Variants in INTS12 observed in about 807,000 individuals in gnomAD.
The protein encoded by INTS12 is PHD finger protein 22.
INTS12 carries 13 observed loss-of-function variants against 41.6 expected under a neutral mutation model. The ratio of observed to expected loss-of-function variants is 0.31; its 90% CI spans 0.20 to 0.50. The LOEUF is 0.50. INTS12 is among the 20% of genes least tolerant of loss of function. INTS12 has a pLI of 0.98. For synonymous variants in INTS12, 199 were observed against 191.4 expected (o/e 1.04, Z -0.33); for missense variants, 432 against 541.6 (o/e 0.80, Z 2.01).
chr4:105,686,098 T>C (rs1461050568), intron 7 of INTS12, among the ~76,000 whole-genome samples: 1 of 152,156 alleles, frequency 6.6e-6, no homozygotes, highest in African/African-American at 2.4e-5. Context: ...GTTTCGCTCT[T>C]GTCACCCAGG....
At chr4:105,706,418 G>C (rs757623512) in intron 1 of INTS12, 2 of 151,768 alleles carry the variant, frequency 1.3e-5, no homozygotes, top group Non-Finnish European at 2.9e-5. Flanking sequence ...CCGTAACCAT[G>C]CCCAGGTAAT....
rs767514862 is a variant in INTS12, at chr4:105,700,706, AACACACAC to A, written c.-9-700_-9-693del. On this transcript the variant is annotated intron_variant, in intron 2 of 7. Coordinates refer to ENST00000340139, the MANE Select transcript of INTS12 (RefSeq NM_020395.4). ...GAGGGATAATATCATATCTACTTAA[AACACACAC>A]ACACACACACACACACACACACACA... Among the ~76,000 whole-genome samples the A allele has an allele frequency of 1.8e-3, 249 of 134,810 alleles. 1 individual carries two copies. Among genetic ancestry groups the A allele is most frequent in the African/African-American group, 5.6e-3 (194 of 34,378 alleles). The allele number at this position is 134,810 out of a possible 152,430, so 88.4% of individuals were successfully genotyped here.
intron 6 of INTS12, among the ~76,000 whole-genome samples, chr4:105,691,281 T>C (rs1049399241): frequency 5.9e-5 from 9 of 152,170 alleles, no homozygotes; most frequent in Non-Finnish European, 8.8e-5. Flanking sequence ...GAATAAGACA[T>C]TATGGCAATT....
At chr4:105,697,369 T>C (rs1238913219) in intron 3 of INTS12, among the ~76,000 whole-genome samples, 1 of 152,104 alleles carries the variant, frequency 6.6e-6, no homozygotes, top group Non-Finnish European at 1.5e-5. Context: ...TACAAAAGTA[T>C]AAATGGGAAT....
intron 1 of INTS12, chr4:105,706,136 T>C (rs967990565): frequency 2.6e-5 from 4 of 152,216 alleles, no homozygotes; most frequent in African/African-American, 9.6e-5. Flanking sequence ...CAAGTATTTG[T>C]CCTTGGCTAT....
chr4:105,682,754 G>C lies in INTS12; in HGVS notation c.1368C>G (p.Ala456=). 1 of 1,613,530 alleles carries C rather than the reference G, an allele frequency of 6.2e-7. No individual in the cohort carries two copies. Among genetic ancestry groups the C allele is most frequent in the Non-Finnish European group, 8.5e-7 (1 of 1,179,664 alleles). ...KRLQMVKKKA[A]QKKLKK is the part of the protein sequence containing the mutation. ...CACATTACTTCTTGAGTTTCTTTTG[G>C]GCAGCTTTCTTCTTGACCATCTGTA... Residue 456 remains alanine (A), a synonymous_variant, in exon 8 of 8, where the codon GCC becomes GCG. Transcript: ENST00000340139.
intron 1 of INTS12, chr4:105,706,538 A>C (rs564211246): frequency 2.0e-5 from 3 of 152,232 alleles, no homozygotes; most frequent in Non-Finnish European, 4.4e-5. Context: ...GTGCGAGCCA[A>C]ATCTCTTAAA....
At position 105,707,661 on chromosome 4, in the gene INTS12, C is replaced by T. The variant is rs1372163738; in HGVS notation, c.-172+977G>A. ...AATGTTCCTATCTGTAAAATTCTCA[C>T]AATCTTTCGCCTGTCTTGCTTAATT... On this transcript the variant is annotated intron_variant, in intron 1 of 7. Coordinates refer to ENST00000340139, the MANE Select transcript of INTS12 (RefSeq NM_020395.4). Among the ~76,000 whole-genome samples, 3 of 152,222 alleles carry T rather than the reference C, an allele frequency of 2.0e-5. No individual in the cohort carries two copies. The East Asian group carries it at 5.8e-4, about 29-fold the overall frequency.
intron 2 of INTS12, among the ~76,000 whole-genome samples, chr4:105,702,095 G>GA (rs919427509): frequency 2.8e-5 from 4 of 143,942 alleles, no homozygotes; most frequent in African/African-American, 1.0e-4. Flanking sequence ...GGAATACAGA[G>GA]AAAAAAATAT....
Position 105,692,042 on chromosome 4 carries a change from G to T in INTS12, c.591C>A (p.Asp197Glu), listed in dbSNP as rs747158726. 1.2e-6 allele frequency: 2 copies of T among 1,609,950 alleles called. No individual in the cohort carries two copies. The highest frequency in any genetic ancestry group is 2.2e-5 in the South Asian group (2 of 90,378). Reference sequence around the variant, plus strand: ...CCAGGCGAGGGTCATTCGCTTCCTTGTCTGTCACCTGGGGTTTATGACAAT... The same window carrying T: ...CCAGGCGAGGGTCATTCGCTTCCTTTTCTGTCACCTGGGGTTTATGACAAT... ...HRDCHKPQVT[D>E]KEANDPRLVW... Residue 197 changes from aspartate (D) to glutamate (E), a missense_variant, in exon 6 of 8, where the codon GAC becomes GAA. Coordinates refer to ENST00000340139, the MANE Select transcript of INTS12 (RefSeq NM_020395.4).
At chr4:105,685,351 A>G (rs1240179171) in intron 7 of INTS12, among the ~76,000 whole-genome samples, 2 of 152,148 alleles carry the variant, frequency 1.3e-5, no homozygotes, top group African/African-American at 4.8e-5. Flanking sequence ...AAATCTACTA[A>G]AAAGTGATTA....
chr4:105,695,664 A>G lies in INTS12; in HGVS notation c.161T>C (p.Val54Ala), dbSNP rs1179396153. ...TGTGCTTGAAATTTTGGGTGGCTCCACATCCTAAAAGATGAAAAAAGGTAC... is the reference window on the plus strand; with the variant it reads ...TGTGCTTGAAATTTTGGGTGGCTCCGCATCCTAAAAGATGAAAAAAGGTAC... ...DSSYRPSQKDVEPPKISSTKN... is the reference protein window; with the variant it reads ...DSSYRPSQKDAEPPKISSTKN... The change falls in exon 4 of 8, where the codon GTG becomes GCG. Residue 54 changes from valine (V) to alanine (A), a missense_variant. By Grantham distance (64) the Val-to-Ala change is moderately conservative. Coordinates refer to ENST00000340139, the MANE Select transcript of INTS12 (RefSeq NM_020395.4). The G allele has an allele frequency of 6.2e-7, 1 of 1,611,252 alleles. No individual in the cohort carries two copies. Among genetic ancestry groups the G allele is most frequent in the Non-Finnish European group, 8.5e-7 (1 of 1,179,020 alleles).
chr4:105,685,618 A>G (rs749722938), intron 7 of INTS12, among the ~76,000 whole-genome samples: 2 of 152,152 alleles, frequency 1.3e-5, no homozygotes, highest in Non-Finnish European at 2.9e-5. Flanking sequence ...TAAGGCAATA[A>G]CTTTAGAGTT....
rs1352940518 is a variant in INTS12, at chr4:105,702,126, ATTTC to A, written c.-10+1518_-10+1521del. ...AATATTAACTTTTTAATTTATTTCT[ATTTC>A]TTTTTTTTTTTTTTTTTTTTTTTGA... On this transcript the variant is annotated intron_variant, in intron 2 of 7. Transcript: ENST00000340139. Among the ~76,000 whole-genome samples the A allele has an allele frequency of 2.3e-5, 3 of 129,830 alleles. No individual in the cohort carries two copies. In the East Asian group the frequency reaches 6.6e-4, roughly 29 times the overall value. The allele number at this position is 129,830 out of a possible 152,430, so 85.2% of individuals were successfully genotyped here.
chr4:105,696,229 A>G (rs982863192), intron 3 of INTS12, among the ~76,000 whole-genome samples: 6 of 152,182 alleles, frequency 3.9e-5, no homozygotes, highest in Non-Finnish European at 7.3e-5. Flanking sequence ...ACTACAATCA[A>G]CATAATGAAC....
intron 5 of INTS12, 78 bp downstream of exon 5, chr4:105,693,221 T>G: frequency 4.2e-6 from 5 of 1,181,304 alleles, no homozygotes; most frequent in Non-Finnish European, 5.7e-6. Context: ...ATTTTTCTGA[T>G]TTTGGGGGTT....
At position 105,682,814 on chromosome 4, in the gene INTS12, A is replaced by G. The variant is rs748144462; in HGVS notation, c.1308T>C (p.Thr436=). The change falls in exon 8 of 8, where the codon ACT becomes ACC. Residue 436 remains threonine (T), a synonymous_variant. Transcript: ENST00000340139. The stretch of plus-strand genomic sequence containing the variant: ...TAGCATTGAGCTGTGATTCTTGTGA[A>G]GTTGGGCCTTTAAGGGATGCTGAGG... ...SSPSASLKGP[T]SQESQLNAMK... 22 of 1,613,982 alleles carry G rather than the reference A, an allele frequency of 1.4e-5. No homozygotes were observed. In the African/African-American group the frequency reaches 2.3e-4, roughly 17 times the overall value.
intron 2 of INTS12, among the ~76,000 whole-genome samples, chr4:105,701,413 A>C (rs878997173): frequency 6.6e-6 from 1 of 152,154 alleles, no homozygotes. Context: ...ATTTCTAAGA[A>C]TTTAACAAAA....
chr4:105,693,075 A>G (rs969001331), intron 5 of INTS12, among the ~76,000 whole-genome samples: 2 of 152,244 alleles, frequency 1.3e-5, no homozygotes, highest in Non-Finnish European at 2.9e-5. Context: ...GTTACAACAT[A>G]ACAGATTTAA....
Sources: allele counts gnomAD v4.1 joint callset (sites outside exome capture counted in the v4.1 genomes callset), GRCh38; gene constraint gnomAD v4.1.1; transcripts MANE v1.5; gene names NCBI Gene and HGNC (gene_info 2026-07-23, HGNC 2026-07-21).